Variants in SVOP observed in about 807,000 individuals in gnomAD.
The protein encoded by SVOP is SV2 related protein.
SVOP carries 17 observed loss-of-function variants against 69.1 expected under a neutral mutation model. The ratio of observed to expected loss-of-function variants is 0.25; its 90% CI spans 0.17 to 0.37. SVOP has a LOEUF of 0.37. SVOP is among the 10% of genes least tolerant of loss of function. The pLI, the probability that SVOP is intolerant of heterozygous loss-of-function variation, is 1.00. For synonymous variants in SVOP, 238 were observed against 238.6 expected (o/e 1.00, Z 0.02); for missense variants, 435 against 597.5 (o/e 0.73, Z 2.84).
intron 11 of SVOP, among the ~76,000 whole-genome samples, chr12:108,932,638 GA>G (rs1220650342): frequency 6.6e-6 from 1 of 152,014 alleles, no homozygotes; most frequent in African/African-American, 2.4e-5. Context: ...AGAGAAACCT[GA>G]AAAACTGAAT....
chr12:108,998,762 G>T (rs1049363766), intron 1 of SVOP, among the ~76,000 whole-genome samples: 2 of 150,070 alleles, frequency 1.3e-5, no homozygotes, highest in African/African-American at 4.9e-5. Flanking sequence ...AGCAAATGCT[G>T]AGAGATTTTG....
chr12:108,927,759 C>A (rs909776371), intron 11 of SVOP, among the ~76,000 whole-genome samples: 1 of 152,016 alleles, frequency 6.6e-6, no homozygotes, highest in Admixed American at 6.6e-5. Context: ...CCAAGTCAGG[C>A]TACTTTTTTG....
At chr12:108,981,068 G>A (rs1485523291) in intron 2 of SVOP, among the ~76,000 whole-genome samples, 2 of 152,216 alleles carry the variant, frequency 1.3e-5, no homozygotes, top group East Asian at 3.9e-4. Flanking sequence ...CTCCAGAAGT[G>A]TGAGCTGGCG....
chr12:108,943,311 C>A (rs2137408552), intron 7 of SVOP, among the ~76,000 whole-genome samples: 1 of 152,060 alleles, frequency 6.6e-6, no homozygotes, highest in South Asian at 2.1e-4. Flanking sequence ...AGAATGGACA[C>A]CAGTAGCCGG....
chr12:108,939,076 C>T (rs1385407364), intron 8 of SVOP, 121 bp from the exon 9 acceptor site: 9 of 1,406,576 alleles, frequency 6.4e-6, no homozygotes, highest in Non-Finnish European at 8.7e-6. Flanking sequence ...AGCCAGAGAG[C>T]TGACTTCAAA....
intron 6 of SVOP, among the ~76,000 whole-genome samples, chr12:108,946,342 C>T (rs1271362513): frequency 1.3e-5 from 2 of 152,088 alleles, no homozygotes; most frequent in East Asian, 1.9e-4. Flanking sequence ...TCAAGCAATC[C>T]TCCTGCCTTG....
intron 6 of SVOP, among the ~76,000 whole-genome samples, chr12:108,953,286 T>C (rs1212775361): frequency 6.6e-6 from 1 of 151,982 alleles, no homozygotes; most frequent in Admixed American, 6.6e-5. Context: ...GTAGCTGGGA[T>C]TACAGGCATG....
rs528503987 is a variant in SVOP at position 109,008,398 on chromosome 12, G to A, written c.35+12436C>T. Among the ~76,000 whole-genome samples the A allele has an allele frequency of 5.9e-5, 9 of 152,248 alleles. 1 individual carries two copies. The East Asian group carries it at 1.7e-3, about 29-fold the overall frequency. The stretch of plus-strand genomic sequence containing the variant: ...CTGGGGAGATGGGGTGTGAGGGGTT[G>A]GATGTGATGACCTTTAAGTTTCCTT... On this transcript the variant is annotated intron_variant, in intron 1 of 15. Coordinates refer to ENST00000610966, the MANE Select transcript of SVOP (RefSeq NM_018711.5).
chr12:108,915,174 A>T (rs978920150), intron 15 of SVOP, among the ~76,000 whole-genome samples: 1 of 62,958 alleles, frequency 1.6e-5, no homozygotes, highest in Non-Finnish European at 4.7e-5. Context: ...CTCCATCCCA[A>T]AAAAAAAAAA....
chr12:108,917,873 C>T (rs139965260), intron 14 of SVOP, among the ~76,000 whole-genome samples, 170 bp downstream of exon 14: 160 of 151,918 alleles, frequency 1.1e-3, no homozygotes, highest in African/African-American at 3.6e-3. Context: ...CTCAAACATC[C>T]GGGCTCAAGT....
In SVOP at chr12:108,957,548, C is replaced by T. The variant is rs550093344; in HGVS notation, c.578+3375G>A. 4.6e-5 allele frequency among the ~76,000 whole-genome samples: 7 copies of T among 152,282 alleles called. No homozygotes were observed. In the East Asian group the frequency reaches 7.7e-4, roughly 17 times the overall value. Reference sequence around the variant, plus strand: ...ATGAACAGGCAAGAAAAAGAGTCACCGTGGGCTCCTTGGGTCCCATGTCAG... The same window carrying T: ...ATGAACAGGCAAGAAAAAGAGTCACTGTGGGCTCCTTGGGTCCCATGTCAG... On this transcript the variant is annotated intron_variant, in intron 6 of 15. Transcript: ENST00000610966.
In SVOP at chr12:108,991,191, T is replaced by C. The variant is rs150875125; in HGVS notation, c.36-7430A>G. On this transcript the variant is annotated intron_variant, in intron 1 of 15. Coordinates refer to ENST00000610966, the MANE Select transcript of SVOP (RefSeq NM_018711.5). ...TTGCAGCTGGAAGGCAGGTGTCACTTAGGAGCAAAGGCTTGGTGACAGACT... is the reference window on the plus strand; with the variant it reads ...TTGCAGCTGGAAGGCAGGTGTCACTCAGGAGCAAAGGCTTGGTGACAGACT... Among the ~76,000 whole-genome samples, 4 of 152,284 alleles carry C rather than the reference T, an allele frequency of 2.6e-5. No individual in the cohort carries two copies. The East Asian group carries it at 7.7e-4, about 29-fold the overall frequency.
At chr12:108,986,494 TTAAC>T (rs1190231993) in intron 1 of SVOP, among the ~76,000 whole-genome samples, 1 of 152,244 alleles carries the variant, frequency 6.6e-6, no homozygotes, top group African/African-American at 2.4e-5. Flanking sequence ...TTTCTGCTGT[TTAAC>T]TAAAGGATTA....
At chr12:108,950,077 T>G (rs1007451602) in intron 6 of SVOP, among the ~76,000 whole-genome samples, 57 of 152,264 alleles carry the variant, frequency 3.7e-4, no homozygotes, top group African/African-American at 1.4e-3. Context: ...GCTTTATTTA[T>G]TTTTGAGACA....
intron 4 of SVOP, among the ~76,000 whole-genome samples, chr12:108,972,833 C>T (rs1022916394): frequency 6.6e-6 from 1 of 152,166 alleles, no homozygotes; most frequent in Non-Finnish European, 1.5e-5. Flanking sequence ...AAACACTTGC[C>T]CTGCTGCTGA....
intron 5 of SVOP, among the ~76,000 whole-genome samples, chr12:108,971,306 G>A (rs918563633): frequency 3.4e-4 from 52 of 151,868 alleles, no homozygotes; most frequent in African/African-American, 1.2e-3. Context: ...GCAGGTGCCT[G>A]TAATCCCAGC....
rs564018335 is a variant in SVOP at position 108,925,329 on chromosome 12, G to A, written c.1049-2532C>T. Among the ~76,000 whole-genome samples the A allele has an allele frequency of 2.3e-4, 35 of 150,954 alleles. No individual in the cohort carries two copies. The South Asian group carries it at 3.0e-3, about 13-fold the overall frequency. ...GATGTTTGGCTTTACCGTGCCGGGG[G>A]AGGTTCGGTTCAGTAATACTGCCGC... On this transcript the variant is annotated intron_variant, in intron 11 of 15. Coordinates refer to ENST00000610966, the MANE Select transcript of SVOP (RefSeq NM_018711.5).
At chr12:108,959,099 G>C (rs994663080) in intron 6 of SVOP, among the ~76,000 whole-genome samples, 6 of 152,056 alleles carry the variant, frequency 3.9e-5, no homozygotes, top group Admixed American at 1.3e-4. Context: ...AGCATTTCTA[G>C]GTACTCAAGA....
intron 2 of SVOP, among the ~76,000 whole-genome samples, chr12:108,980,560 C>T (rs1238760928): frequency 6.6e-6 from 1 of 151,680 alleles, no homozygotes; most frequent in African/African-American, 2.4e-5. Context: ...ACCATCCTGG[C>T]CAACATGGTG....
Sources: allele counts gnomAD v4.1 joint callset (sites outside exome capture counted in the v4.1 genomes callset), GRCh38; gene constraint gnomAD v4.1.1; transcripts MANE v1.5; gene names NCBI Gene and HGNC (gene_info 2026-07-23, HGNC 2026-07-21).